The following TPR variants were observed in gnomAD, a reference collection of about 807,000 sequenced individuals.
TPR encodes nucleoprotein TPR.
Under a neutral mutation model 316.1 loss-of-function variants are expected in TPR, and 51 were observed. That is an observed-to-expected ratio of 0.16 (90% confidence interval 0.13 to 0.20). The LOEUF is 0.20. Ranked by LOEUF, TPR falls within the 10% of genes least tolerant of loss-of-function variation. The pLI is 1.00. For synonymous variants in TPR, 981 were observed against 914.7 expected, an observed-to-expected ratio of 1.07 and a Z score of -1.31; for missense variants, 2,272 against 2,754.8, an observed-to-expected ratio of 0.82 and a Z score of 3.92.
intron 1 of TPR, among the ~76,000 whole-genome samples, chr1:186,373,861 C>A (rs1488594025): frequency 1.3e-5 from 2 of 151,968 alleles, no homozygotes; most frequent in Non-Finnish European, 1.5e-5. Flanking sequence ...TTATAGTAGT[C>A]AAGATATTAC....
At chr1:186,315,370 T>C (rs1298585033) in intron 49 of TPR, among the ~76,000 whole-genome samples, 1 of 151,912 alleles carries the variant, frequency 6.6e-6, no homozygotes, top group Admixed American at 6.6e-5. Flanking sequence ...AAACAAAATA[T>C]CAAGTCCCTC....
Position 186,369,287 on chromosome 1 carries a change from C to T in TPR, c.331-1305G>A, listed in dbSNP as rs6696534. 5.7e-3 allele frequency among the ~76,000 whole-genome samples: 868 copies of T among 152,028 alleles called. 8 individuals carry two copies. Among genetic ancestry groups the T allele is most frequent in the African/African-American group, 0.02 (820 of 41,468 alleles). ...TCAGAATTTTTTTTTTCTATTTCTG[C>T]GAAGAATGCCTTTGGAATTCTGACA... is the stretch of plus-strand genomic sequence containing the variant. On this transcript the variant is annotated intron_variant, in intron 3 of 50. Transcript: ENST00000367478.
intron 41 of TPR, 73 bp from the exon 42 acceptor site, chr1:186,325,927 C>A (rs543417529): frequency 1.3e-6 from 2 of 1,564,028 alleles, no homozygotes; most frequent in African/African-American, 2.8e-5. Context: ...GAATAATTAA[C>A]CAAACCAAAC....
intron 39 of TPR, among the ~76,000 whole-genome samples, chr1:186,328,202 T>G (rs1658056730): frequency 6.6e-6 from 1 of 152,034 alleles, no homozygotes; most frequent in South Asian, 2.1e-4. Context: ...AATACTCCAA[T>G]AAGAAAAAGA....
chr1:186,375,190 G>A lies in TPR; in HGVS notation c.-162C>T, dbSNP rs1446048296. On this transcript the variant is annotated 5_prime_UTR_variant, in exon 1 of 51. Coordinates refer to ENST00000367478, the MANE Select transcript of TPR (RefSeq NM_003292.3). Reference sequence around the variant, plus strand: ...CGGAGACTCCCGCGGCGGGACCCTGGGAAATCGAGTCCACCCTCAGCGGCA... The same window carrying A: ...CGGAGACTCCCGCGGCGGGACCCTGAGAAATCGAGTCCACCCTCAGCGGCA... The A allele has an allele frequency of 6.5e-7, 1 of 1,530,038 alleles. No individual in the cohort carries two copies. The highest frequency in any genetic ancestry group is 8.8e-7 in the Non-Finnish European group (1 of 1,137,330). 94.8% of individuals were successfully genotyped at this position (1,530,038 alleles called of 1,614,324 possible).
intron 37 of TPR, among the ~76,000 whole-genome samples, chr1:186,332,819 T>TA (rs909748581): frequency 6.6e-6 from 1 of 151,704 alleles, no homozygotes; most frequent in Non-Finnish European, 1.5e-5. Flanking sequence ...GTAAGACCAG[T>TA]AAAAAAAATA....
In TPR at chr1:186,335,424, G is replaced by T. The variant is rs563179906; in HGVS notation, c.4825C>A (p.Arg1609=). The T allele has an allele frequency of 2.5e-6, 4 of 1,613,622 alleles. No individual in the cohort carries two copies. The highest frequency in any genetic ancestry group is 3.4e-6 in the Non-Finnish European group (4 of 1,179,796). Residue 1609 remains arginine, a synonymous_variant, in exon 34 of 51, where the codon CGA becomes AGA. Coordinates refer to ENST00000367478, the MANE Select transcript of TPR (RefSeq NM_003292.3). ...ITALKSQYEG[R]ISRLERELRE... is the part of the protein sequence containing the mutation. ...AGTTCTCTTTCCAAGCGACTAATTC[G>T]ACCTTCATATTGGGACTTTAGCGCA...
At chr1:186,362,791 G>A in intron 6 of TPR, 46 bp downstream of exon 6, 3 of 1,490,356 alleles carry the variant, frequency 2.0e-6, no homozygotes, top group East Asian at 2.3e-5. Context: ...ACATACAAAT[G>A]TAAGTTATAC....
At chr1:186,360,226 C>T (rs757054837) in intron 11 of TPR, 47 bp downstream of exon 11, 56 of 1,575,098 alleles carry the variant, frequency 3.6e-5, no homozygotes, top group Middle Eastern at 1.7e-4. Flanking sequence ...GATTTGTATA[C>T]ATTTGCTGAA....
At position 186,347,352 on chromosome 1, in the gene TPR, A is replaced by G. The variant is rs2101970859; in HGVS notation, c.2883T>C (p.Asn961=). ...LKERLKTSTS[N]VEQYQAMVTS... ...TAACCATTGCTTGATATTGTTCCAC[A>G]TTGCTCGTACTTGTTTTGAGTCTCT... Residue 961 remains asparagine, a synonymous_variant, in exon 22 of 51, where the codon AAT becomes AAC. Transcript: ENST00000367478. 1 of 1,613,988 alleles carries G rather than the reference A, an allele frequency of 6.2e-7. No individual in the cohort carries two copies. The highest frequency in any genetic ancestry group is 1.3e-5 in the African/African-American group (1 of 75,040).
chr1:186,340,560 T>C (rs1187658406), intron 29 of TPR, among the ~76,000 whole-genome samples: 2 of 151,906 alleles, frequency 1.3e-5, no homozygotes, highest in East Asian at 1.9e-4. Flanking sequence ...GCCTCCCAAG[T>C]AGATGGGACT....
In TPR at chr1:186,375,124, C is replaced by T. The variant is rs1476068908; in HGVS notation, c.-96G>A. 2 of 1,563,258 alleles carry T rather than the reference C, an allele frequency of 1.3e-6. No homozygotes were observed. Among genetic ancestry groups the T allele is most frequent in the Middle Eastern group, 1.8e-4 (1 of 5,600 alleles). ...CAGGACCCAGACGCCTGGGCCGCCG[C>T]CTCTATCACCTCGCTCGGTGGCTCG... On this transcript the variant is annotated 5_prime_UTR_variant, in exon 1 of 51. Transcript: ENST00000367478.
At chr1:186,316,817 T>C (rs1327036374) in intron 49 of TPR, among the ~76,000 whole-genome samples, 1 of 152,160 alleles carries the variant, frequency 6.6e-6, no homozygotes, top group Non-Finnish European at 1.5e-5. Flanking sequence ...AATAAGGAAA[T>C]ATAAGTAAAG....
Position 186,359,925 on chromosome 1 carries a change from C to T in TPR, c.1263G>A (p.Lys421=), listed in dbSNP as rs564301253. The T allele has an allele frequency of 1.2e-6, 2 of 1,609,266 alleles. No individual in the cohort carries two copies. Among genetic ancestry groups the T allele is most frequent in the African/African-American group, 2.7e-5 (2 of 74,714 alleles). The change falls in exon 12 of 51, where the codon AAG becomes AAA. Residue 421 remains lysine (K), a synonymous_variant. Coordinates refer to ENST00000367478, the MANE Select transcript of TPR (RefSeq NM_003292.3). ...CTTCTTTCACTATTTCATCTAGGTA[C>T]TTATTAATTCTTTTGTTCTCTAGTT... The part of the protein sequence containing the change: ...LEKLENKRIN[K]YLDEIVKEVE...
Position 186,332,335 on chromosome 1 carries a change from T to G in TPR, c.5464A>C (p.Thr1822Pro). ...CGCTTTGGCAAAGAAGAACTGGGGGTAGCCGAAACTTTGAAATTATATAAA... is the reference window on the plus strand; with the variant it reads ...CGCTTTGGCAAAGAAGAACTGGGGGGAGCCGAAACTTTGAAATTATATAAA... ...STAVFGTVSA[T>P]PSSSLPKRTR... Residue 1822 changes from threonine to proline, a missense_variant, in exon 38 of 51, where the codon ACC becomes CCC. By Grantham distance (38) the Thr-to-Pro change is conservative. This residue lies in a region of TPR where 435 missense variants were observed against 461.1 expected (regional missense o/e 0.94). Coordinates refer to ENST00000367478, the MANE Select transcript of TPR (RefSeq NM_003292.3). The G allele has an allele frequency of 6.2e-7, 1 of 1,611,784 alleles. No homozygotes were observed. The highest frequency in any genetic ancestry group is 1.1e-5 in the South Asian group (1 of 90,480).
At chr1:186,348,331 C>G (rs370887978) in intron 21 of TPR, among the ~76,000 whole-genome samples, 1 of 152,116 alleles carries the variant, frequency 6.6e-6, no homozygotes, top group East Asian at 1.9e-4. Context: ...CTGCAGAACC[C>G]TCAGGCTTAC....
At chr1:186,353,147 C>A (rs564724973) in intron 18 of TPR, among the ~76,000 whole-genome samples, 5 of 152,114 alleles carry the variant, frequency 3.3e-5, no homozygotes, top group Admixed American at 3.3e-4. Flanking sequence ...CTAAGGCGGG[C>A]AAATCACGAG....
intron 42 of TPR, 84 bp downstream of exon 42, chr1:186,325,680 A>AATTT: frequency 9.2e-7 from 1 of 1,081,600 alleles, no homozygotes; most frequent in Non-Finnish European, 1.3e-6. Flanking sequence ...TCAATAAATA[A>AATTT]ATTTATATAT....
chr1:186,311,695 G>A lies in TPR; in HGVS notation c.*2276C>T. On this transcript the variant is annotated 3_prime_UTR_variant, in exon 51 of 51. Transcript: ENST00000367478. ...TTTACTGTCAAAAGATATCTTTAATGGCTGAAATCAAATATTTTCAGTGAA... is the reference window on the plus strand; with the variant it reads ...TTTACTGTCAAAAGATATCTTTAATAGCTGAAATCAAATATTTTCAGTGAA... 2 of 1,253,622 alleles carry A rather than the reference G, an allele frequency of 1.6e-6. No homozygotes were observed. Among genetic ancestry groups the A allele is most frequent in the Admixed American group, 1.9e-5 (1 of 52,622 alleles). The allele number at this position is 1,253,622 out of a possible 1,614,324, so 77.7% of individuals were successfully genotyped here.
Sources: gnomAD v4.1 joint callset for allele counts (sites outside exome capture counted in the v4.1 genomes callset) on GRCh38, gnomAD v4.1.1 for gene constraint, gnomAD v4.1.1 regional missense constraint, MANE v1.5 for transcripts, NCBI Gene and HGNC (gene_info 2026-07-23, HGNC 2026-07-21) for gene names.